ZSCAN30: variants seen among roughly 807,000 people sequenced by gnomAD.
ZSCAN30 encodes the protein zinc finger and SCAN domain-containing protein 30.
Under a neutral mutation model 44.3 loss-of-function variants are expected in ZSCAN30, and 37 were observed. The observed-to-expected ratio is 0.84, with a 90% CI of 0.64 to 1.10. The LOEUF is 1.10. Ranked by LOEUF, ZSCAN30 falls within the 50% of genes least tolerant of loss-of-function variation. The pLI, the probability that ZSCAN30 is intolerant of heterozygous loss-of-function variation, is 0.00. For synonymous variants in ZSCAN30, 181 were observed against 204.6 expected (o/e 0.88, Z 0.98); for missense variants, 549 against 582.6 (o/e 0.94, Z 0.59).
chr18:35,258,188 A>C, intron 3 of ZSCAN30: 2 of 567,360 alleles, frequency 3.5e-6, no homozygotes, highest in Non-Finnish European at 6.3e-6. Flanking sequence ...TTCAAGACTG[A>C]AAAGAGACTA....
At chr18:35,263,481 T>A (rs570679675) in intron 3 of ZSCAN30, 32 bp downstream of exon 3, 1 of 1,613,140 alleles carries the variant, frequency 6.2e-7, no homozygotes, top group African/African-American at 1.3e-5. Context: ...CTCACCTCCA[T>A]CCTCAACCCC....
At chr18:35,271,050 G>A (rs2044262282) in intron 1 of ZSCAN30, among the ~76,000 whole-genome samples, 1 of 152,154 alleles carries the variant, frequency 6.6e-6, no homozygotes, top group Non-Finnish European at 1.5e-5. Flanking sequence ...GAGTGAAACT[G>A]CAGACCTTCA....
intron 1 of ZSCAN30, chr18:35,269,039 A>G (rs2143724738): frequency 6.6e-6 from 1 of 152,338 alleles, no homozygotes; most frequent in South Asian, 2.1e-4. Flanking sequence ...AAAAGGGAGA[A>G]GTTGAAGATG....
chr18:35,258,955 A>G (rs1158042261), intron 3 of ZSCAN30: 1 of 149,386 alleles, frequency 6.7e-6, no homozygotes, highest in Non-Finnish European at 1.5e-5. Flanking sequence ...TTTTATGAGG[A>G]CTCTGTAAAC....
At chr18:35,257,780 C>A in intron 3 of ZSCAN30, 1 of 712,540 alleles carries the variant, frequency 1.4e-6, no homozygotes, top group South Asian at 1.6e-5. Context: ...CCCATCTCTG[C>A]GTCAAGAAGA....
chr18:35,277,811 T>C (rs2044393148), intron 1 of ZSCAN30, among the ~76,000 whole-genome samples: 1 of 152,210 alleles, frequency 6.6e-6, no homozygotes, highest in African/African-American at 2.4e-5. Context: ...ATGATGCATT[T>C]ATCAGAATGT....
At chr18:35,257,188 A>C (rs2043857822) in intron 3 of ZSCAN30, 1 of 152,196 alleles carries the variant, frequency 6.6e-6, no homozygotes, top group African/African-American at 2.4e-5. Context: ...GTTTAGTTTA[A>C]AATCCTTTTA....
At chr18:35,257,667 G>A (rs2043882249) in intron 3 of ZSCAN30, among the ~76,000 whole-genome samples, 1 of 152,188 alleles carries the variant, frequency 6.6e-6, no homozygotes, top group Non-Finnish European at 1.5e-5. Flanking sequence ...AGTCCTAACC[G>A]ATTAAGACAG....
chr18:35,288,954 CTGTTTTGTTT>C (rs36224225), intron 1 of ZSCAN30, among the ~76,000 whole-genome samples: 1,863 of 150,774 alleles, frequency 0.012, 41 homozygotes, highest in African/African-American at 0.042. Flanking sequence ...CTCAATAAAG[CTGTTTTGTTT>C]TGTTTTGTTT....
chr18:35,282,166 A>G (rs979048203), intron 1 of ZSCAN30: 3 of 152,222 alleles, frequency 2.0e-5, no homozygotes, highest in African/African-American at 7.2e-5. Context: ...TCATCTTATC[A>G]TCTAACACAA....
Position 35,253,446 on chromosome 18 carries a change from A to G in ZSCAN30, c.*4T>C. 10 of 1,552,870 alleles carry G rather than the reference A, an allele frequency of 6.4e-6. No individual in the cohort carries two copies. The highest frequency in any genetic ancestry group is 8.7e-6 in the Non-Finnish European group (10 of 1,148,754). On this transcript the variant is annotated 3_prime_UTR_variant, in exon 4 of 4. Coordinates refer to ENST00000333206, the MANE Select transcript of ZSCAN30 (RefSeq NM_001112734.4). ...TCACAATTGTACAACTCTTACCCAC[A>G]GAGTTAAACTCTGGTGTGTGTTCTC... is the stretch of plus-strand genomic sequence containing the variant.
intron 1 of ZSCAN30, among the ~76,000 whole-genome samples, chr18:35,271,748 G>C (rs143487768): frequency 2.0e-5 from 3 of 152,334 alleles, no homozygotes; most frequent in South Asian, 4.1e-4. Context: ...AGCCCATTGC[G>C]GGGAGGGGGG....
At chr18:35,268,224 G>C (rs2044203423) in intron 1 of ZSCAN30, 1 of 152,328 alleles carries the variant, frequency 6.6e-6, no homozygotes. Flanking sequence ...TTAGGTTGTG[G>C]AGAGTGTCAA....
chr18:35,271,649 C>A (rs1569077859), intron 1 of ZSCAN30, among the ~76,000 whole-genome samples: 1 of 152,250 alleles, frequency 6.6e-6, no homozygotes, highest in Non-Finnish European at 1.5e-5. Flanking sequence ...GCACCGCGTG[C>A]CTGCACTCCT....
At chr18:35,271,737 G>A (rs1366172711) in intron 1 of ZSCAN30, among the ~76,000 whole-genome samples, 1 of 152,212 alleles carries the variant, frequency 6.6e-6, no homozygotes, top group African/African-American at 2.4e-5. Flanking sequence ...AGCTGCGTGG[G>A]AGCCCATTGC....
chr18:35,259,397 C>T (rs569407742), intron 3 of ZSCAN30, among the ~76,000 whole-genome samples: 14 of 152,238 alleles, frequency 9.2e-5, no homozygotes, highest in African/African-American at 3.4e-4. Context: ...TCACAGTGGT[C>T]TTGAACTCCT....
At chr18:35,285,802 G>GA (rs967104087) in intron 1 of ZSCAN30, among the ~76,000 whole-genome samples, 13 of 142,128 alleles carry the variant, frequency 9.1e-5, no homozygotes, top group South Asian at 2.2e-4. Flanking sequence ...AAAGTAACCA[G>GA]AAAAAAAAAA....
intron 1 of ZSCAN30, among the ~76,000 whole-genome samples, chr18:35,265,342 T>C (rs1264207614): frequency 3.3e-5 from 5 of 152,134 alleles, no homozygotes; most frequent in Admixed American, 3.3e-4. Flanking sequence ...ACAAATACTA[T>C]TTTACTGGAG....
rs1008395240 is a variant in ZSCAN30, at chr18:35,272,641, G to A, written c.-103-8186C>T. Among the ~76,000 whole-genome samples the A allele has an allele frequency of 5.3e-5, 8 of 152,196 alleles. No individual in the cohort carries two copies. The East Asian group carries it at 7.7e-4, about 15-fold the overall frequency. ...ATTACAGGCATGAGCCTCCGTGCCC[G>A]GCCCATTTTAGAAAGATTTTTATGG... On this transcript the variant is annotated intron_variant, in intron 1 of 3. Coordinates refer to ENST00000333206, the MANE Select transcript of ZSCAN30 (RefSeq NM_001112734.4).
Sources: allele counts gnomAD v4.1 joint callset (sites outside exome capture counted in the v4.1 genomes callset), GRCh38; gene constraint gnomAD v4.1.1; transcripts MANE v1.5; gene names NCBI Gene and HGNC (gene_info 2026-07-23, HGNC 2026-07-21).